CRYZ: variants seen among roughly 807,000 people sequenced by gnomAD.
CRYZ encodes the protein zeta-crystallin.
In CRYZ, 35 loss-of-function variants were observed where a neutral mutation model predicts 34.1. That is an observed-to-expected ratio of 1.03 (90% CI 0.78 to 1.36). The LOEUF (loss-of-function observed/expected upper bound fraction) is 1.36, where lower values mean the gene tolerates loss of function less well. Ranked by LOEUF, CRYZ falls within the 40% of genes most tolerant of loss-of-function variation. The pLI is 0.00. For synonymous variants in CRYZ, 137 were observed against 136.5 expected (o/e 1.00, Z -0.03); for missense variants, 403 against 391.8 (o/e 1.03, Z -0.24).
At chr1:74,712,017 G>C (rs76313229) in intron 5 of CRYZ, among the ~76,000 whole-genome samples, 3,430 of 152,238 alleles carry the variant, frequency 0.023, 134 homozygotes, top group African/African-American at 0.079. Flanking sequence ...TTCGATACCA[G>C]CCTGGGCAAC....
At chr1:74,713,091 T>C (rs537692456) in intron 5 of CRYZ, among the ~76,000 whole-genome samples, 1 of 152,202 alleles carries the variant, frequency 6.6e-6, no homozygotes, top group South Asian at 2.1e-4. Flanking sequence ...TGTTTCCCTC[T>C]GATAGGACAG....
intron 6 of CRYZ, 114 bp from the exon 7 acceptor site, chr1:74,707,318 T>A: frequency 1.6e-6 from 1 of 626,088 alleles, no homozygotes; most frequent in Admixed American, 3.5e-5. Context: ...AAATGCTACA[T>A]CTTTGAGACT....
chr1:74,725,027 G>A (rs1647263015), intron 1 of CRYZ, among the ~76,000 whole-genome samples, 193 bp from the exon 2 acceptor site: 2 of 152,146 alleles, frequency 1.3e-5, no homozygotes, highest in South Asian at 4.1e-4. Context: ...AATCCTTCAT[G>A]CTACTTCCTG....
At position 74,723,200 on chromosome 1, in the gene CRYZ, C is replaced by A. The variant is rs761787597; in HGVS notation, c.182G>T (p.Arg61Ile). ...AGGAGTATAGGGTAAGAGTGGTTTT[C>A]TACTATAAGTACCAGAGCGAATGTA... The part of the protein sequence containing the change: ...ETYIRSGTYS[R>I]KPLLPYTPGS... Residue 61 changes from arginine to isoleucine, a missense_variant, in exon 3 of 9, where the codon AGA (arginine) becomes ATA (isoleucine). Transcript: ENST00000340866. 1 of 1,614,078 alleles carries A rather than the reference C, an allele frequency of 6.2e-7. No individual in the cohort carries two copies. The highest frequency in any genetic ancestry group is 8.5e-7 in the Non-Finnish European group (1 of 1,179,952).
In CRYZ at chr1:74,706,404, C is replaced by G; in HGVS notation, c.882G>C (p.Trp294Cys). The G allele has an allele frequency of 1.9e-6, 3 of 1,612,300 alleles. No homozygotes were observed. Among genetic ancestry groups the G allele is most frequent in the Non-Finnish European group, 2.5e-6 (3 of 1,179,264 alleles). ...AALQAGMEIGWLKPVIGSQYP... is the reference protein window; with the variant it reads ...AALQAGMEIGCLKPVIGSQYP... ...ATTGAGAACCTATCACAGGTTTCAA[C>G]CAGCCAATTTCCATTCCAGCTTGAA... Residue 294 changes from tryptophan (W) to cysteine (C), a missense_variant, in exon 9 of 9, where the codon TGG (tryptophan) becomes TGC (cysteine). By Grantham distance (215) the Trp-to-Cys change is radical. Transcript: ENST00000340866.
At chr1:74,709,384 T>C (rs1398472218) in intron 6 of CRYZ, among the ~76,000 whole-genome samples, 2 of 152,188 alleles carry the variant, frequency 1.3e-5, no homozygotes, top group Admixed American at 1.3e-4. Flanking sequence ...GGAGTGCTTT[T>C]GTTCGGCTTT....
intron 1 of CRYZ, among the ~76,000 whole-genome samples, chr1:74,728,860 C>G (rs1453063293): frequency 1.3e-5 from 2 of 152,142 alleles, no homozygotes; most frequent in Non-Finnish European, 2.9e-5. Context: ...CGGGGAAAAA[C>G]AGAGGCAGAA....
rs377382976 is a variant in CRYZ, at chr1:74,708,751, A to T, written c.630+1347T>A. The T allele has an allele frequency of 2.0e-5, 3 of 152,218 alleles. No homozygotes were observed. The South Asian group carries it at 6.2e-4, about 31-fold the overall frequency. The allele number at this position is 152,218 out of a possible 1,614,324, so 9.4% of individuals were successfully genotyped here. ...CAGGCCAAAGACAGTTTTGGAAATC[A>T]ACAGTATATGGGTAGTAAGGGAGCC... On this transcript the variant is annotated intron_variant, in intron 6 of 8. Transcript: ENST00000340866.
At chr1:74,722,673 T>A (rs1241134624) in intron 3 of CRYZ, among the ~76,000 whole-genome samples, 2 of 152,036 alleles carry the variant, frequency 1.3e-5, no homozygotes, top group Admixed American at 1.3e-4. Context: ...GCTCCAAAAC[T>A]GTATAGTGAC....
chr1:74,726,781 T>C lies in CRYZ; in HGVS notation c.-13-1947A>G, dbSNP rs142433960. ...TAAGTTCCAATTCCAAACCATATCT[T>C]TGTGAATACATAAAACTAAATGATT... is the stretch of plus-strand genomic sequence containing the variant. On this transcript the variant is annotated intron_variant, in intron 1 of 8. Transcript: ENST00000340866. Among the ~76,000 whole-genome samples the C allele has an allele frequency of 1.9e-4, 29 of 152,322 alleles. No individual in the cohort carries two copies. The East Asian group carries it at 5.6e-3, about 29-fold the overall frequency.
At position 74,723,141 on chromosome 1, in the gene CRYZ, C is replaced by T; in HGVS notation, c.241G>A (p.Gly81Arg). 6.2e-7 allele frequency: 1 copy of T among 1,612,614 alleles called. No individual in the cohort carries two copies. The highest frequency in any genetic ancestry group is 8.5e-7 in the Non-Finnish European group (1 of 1,179,660). ...ACCTTGAAAGCAGATGCATTATCTC[C>T]AACAGCTTCTATCACCCCAGCCACA... Reference protein sequence around the residue: ...SDVAGVIEAVGDNASAFKKGD... With the variant: ...SDVAGVIEAVRDNASAFKKGD... The change falls in exon 3 of 9, where the codon GGA becomes AGA. Residue 81 changes from glycine (G) to arginine (R), a missense_variant. Coordinates refer to ENST00000340866, the MANE Select transcript of CRYZ (RefSeq NM_001889.4).
At chr1:74,724,912 GAT>G in intron 1 of CRYZ, 78 bp from the exon 2 acceptor site, 1 of 747,920 alleles carries the variant, frequency 1.3e-6, no homozygotes, top group Non-Finnish European at 2.2e-6. Flanking sequence ...GGAGGGAGCA[GAT>G]CAAACAATTT....
chr1:74,722,110 A>C (rs1647173688), intron 3 of CRYZ, among the ~76,000 whole-genome samples: 1 of 152,182 alleles, frequency 6.6e-6, no homozygotes, highest in African/African-American at 2.4e-5. Context: ...TAAAGAATAC[A>C]GAAAGCAGAG....
chr1:74,726,486 C>CA (rs1481614166), intron 1 of CRYZ, among the ~76,000 whole-genome samples: 1 of 152,172 alleles, frequency 6.6e-6, no homozygotes, highest in African/African-American at 2.4e-5. Context: ...CTGCACACGG[C>CA]ATGGAGGCCC....
At chr1:74,732,492 G>A (rs374328592) in intron 1 of CRYZ, among the ~76,000 whole-genome samples, 2 of 151,272 alleles carry the variant, frequency 1.3e-5, no homozygotes, top group East Asian at 1.9e-4. Context: ...CTCTACAGCT[G>A]AGAGCTGGGC....
intron 5 of CRYZ, among the ~76,000 whole-genome samples, chr1:74,712,408 C>G (rs1647017052): frequency 6.6e-6 from 1 of 152,128 alleles, no homozygotes; most frequent in African/African-American, 2.4e-5. Flanking sequence ...AGAAATGATG[C>G]AAAATCACCC....
intron 1 of CRYZ, 151 bp downstream of exon 1, chr1:74,732,805 A>C: frequency 6.1e-6 from 1 of 162,842 alleles, no homozygotes; most frequent in Non-Finnish European, 1.3e-5. Context: ...CTGGAGGGGA[A>C]TGGCTTCGGT....
At chr1:74,728,577 C>T (rs61790704) in intron 1 of CRYZ, among the ~76,000 whole-genome samples, 6,746 of 152,240 alleles carry the variant, frequency 0.044, 177 homozygotes, top group Non-Finnish European at 0.058. Context: ...AGAATTCAGA[C>T]TTTTACTGTA....
At chr1:74,729,639 C>T (rs1444999384) in intron 1 of CRYZ, among the ~76,000 whole-genome samples, 1 of 145,166 alleles carries the variant, frequency 6.9e-6, no homozygotes, top group Non-Finnish European at 1.5e-5. Context: ...AGAGTGAGAC[C>T]CTGTCTCAAA....
Sources: gnomAD v4.1 joint callset for allele counts (sites outside exome capture counted in the v4.1 genomes callset) on GRCh38, gnomAD v4.1.1 for gene constraint, MANE v1.5 for transcripts, NCBI Gene and HGNC (gene_info 2026-07-23, HGNC 2026-07-21) for gene names.